The following CPVL variants were observed in gnomAD, a reference collection of about 807,000 sequenced individuals.
The protein encoded by CPVL is carboxypeptidase vitellogenic like, also known as probable serine carboxypeptidase CPVL.
CPVL carries 51 observed loss-of-function variants against 63.7 expected under a neutral mutation model. The ratio of observed to expected loss-of-function variants is 0.80; its 90% confidence interval spans 0.64 to 1.01. CPVL has a LOEUF of 1.01. CPVL is among the 50% of genes least tolerant of loss of function. CPVL has a pLI of 0.00. For synonymous variants in CPVL, 195 were observed against 206.0 expected (o/e 0.95, Z 0.46); for missense variants, 530 against 573.1 (o/e 0.92, Z 0.77).
At chr7:29,176,369 A>G (rs1306733669) in intron 5 of CPVL, among the ~76,000 whole-genome samples, 1 of 152,152 alleles carries the variant, frequency 6.6e-6, no homozygotes, top group Non-Finnish European at 1.5e-5. Context: ...AAAAAGAAAA[A>G]AAAATGCCAA....
chr7:29,074,448 T>A (rs1458625820), intron 7 of CPVL, among the ~76,000 whole-genome samples: 1 of 152,168 alleles, frequency 6.6e-6, no homozygotes, highest in Non-Finnish European at 1.5e-5. Context: ...AAAGCACATT[T>A]CCCTGAGTAA....
At chr7:29,012,077 C>T (rs1785905467) in intron 12 of CPVL, 1 of 152,200 alleles carries the variant, frequency 6.6e-6, no homozygotes, top group Non-Finnish European at 1.5e-5. Flanking sequence ...AACCACAGAC[C>T]CTTACTCCAG....
intron 12 of CPVL, chr7:29,011,877 T>C (rs673681): frequency 0.36 from 54,741 of 152,090 alleles, 9,952 homozygotes; most frequent in Middle Eastern, 0.43. Context: ...GAGAATGTCT[T>C]TGCTTTCTAT....
chr7:29,096,348 C>A, intron 3 of CPVL, 131 bp from the exon 4 acceptor site: 2 of 684,342 alleles, frequency 2.9e-6, no homozygotes, highest in South Asian at 1.7e-5. Flanking sequence ...CCTCCCCAGA[C>A]CTCAGTAACC....
At chr7:29,146,954 A>G (rs1460629880), upstream of CPVL, 3 of 1,551,080 alleles carry the variant, frequency 1.9e-6, no homozygotes, top group Non-Finnish European at 1.7e-6. Context: ...TTCCAGCTGC[A>G]CTAGCAGTAA....
chr7:29,096,258 A>C, intron 3 of CPVL, 41 bp from the exon 4 acceptor site: 1 of 1,461,580 alleles, frequency 6.8e-7, no homozygotes, highest in Non-Finnish European at 9.6e-7. Context: ...CAGAACACTC[A>C]CTTAAGGCTA....
At chr7:29,049,537 A>G (rs185851269) in intron 11 of CPVL, among the ~76,000 whole-genome samples, 120 of 152,122 alleles carry the variant, frequency 7.9e-4, no homozygotes, top group Admixed American at 1.8e-3. Flanking sequence ...ATTACCAACG[A>G]AAAAAAAGTC....
At chr7:29,076,017 T>G (rs1378044290) in intron 7 of CPVL, among the ~76,000 whole-genome samples, 1 of 149,816 alleles carries the variant, frequency 6.7e-6, no homozygotes, top group African/African-American at 2.4e-5. Flanking sequence ...ATTTCTCAAT[T>G]TAATGATTCT....
intron 1 of CPVL, among the ~76,000 whole-genome samples, chr7:29,142,408 G>A (rs534788135): frequency 2.0e-5 from 3 of 152,102 alleles, no homozygotes; most frequent in Non-Finnish European, 2.9e-5. Flanking sequence ...TTTCAGGACA[G>A]TATCACCACT....
At chr7:29,097,211 C>T (rs960797492) in intron 3 of CPVL, among the ~76,000 whole-genome samples, 22 of 149,978 alleles carry the variant, frequency 1.5e-4, no homozygotes, top group African/African-American at 5.6e-4. Flanking sequence ...AGCTACTGGC[C>T]GTAGTGTCAA....
upstream of CPVL, among the ~76,000 whole-genome samples, chr7:29,147,986 C>T (rs533334677): frequency 4.6e-5 from 7 of 152,190 alleles, no homozygotes; most frequent in Non-Finnish European, 7.3e-5. Context: ...CTCCTCTCTT[C>T]CCACAGGGCT....
intron 12 of CPVL, among the ~76,000 whole-genome samples, chr7:29,020,343 A>G (rs1415504130): frequency 6.6e-6 from 1 of 152,184 alleles, no homozygotes; most frequent in Non-Finnish European, 1.5e-5. Flanking sequence ...TCAACATTCA[A>G]ATATGCCCTT....
chr7:29,146,426 T>A lies in CPVL; in HGVS notation c.-11+3A>T. On this transcript the variant is annotated splice_donor_region_variant and intron_variant, in intron 1 of 12. Transcript: ENST00000265394. ...CGACCCACGCAGGGCAGGCGGCACT[T>A]ACGCGGCGCAGTCGGTGCTCCTCCC... 2 of 1,149,834 alleles carry A rather than the reference T, an allele frequency of 1.7e-6. No homozygotes were observed. The highest frequency in any genetic ancestry group is 1.2e-6 in the Non-Finnish European group (1 of 842,312). The allele number at this position is 1,149,834 out of a possible 1,614,324, so 71.2% of individuals were successfully genotyped here. A position where few individuals can be genotyped will look rare whatever the true frequency, so the allele number is the denominator to read the frequency against.
In CPVL at chr7:29,072,299, A is replaced by C. The variant is rs1473709362; in HGVS notation, c.732+2T>G. ...AATAGAAAGTCAGAAGGAGAAACCT[A>C]CTGATTCGGGATCAGAATATCCATC... On this transcript the variant is annotated splice_donor_variant, in intron 8 of 12. Transcript: ENST00000265394. LOFTEE classifies it high-confidence loss of function. 6.2e-7 allele frequency: 1 copy of C among 1,613,966 alleles called. No homozygotes were observed. The highest frequency in any genetic ancestry group is 8.5e-7 in the Non-Finnish European group (1 of 1,179,936).
intron 11 of CPVL, among the ~76,000 whole-genome samples, chr7:29,056,729 A>T (rs897862957): frequency 2.0e-5 from 3 of 152,164 alleles, no homozygotes; most frequent in Non-Finnish European, 2.9e-5. Context: ...TGGTAAGAGT[A>T]TATTAAATTT....
intron 5 of CPVL, among the ~76,000 whole-genome samples, chr7:29,177,529 C>T (rs187853170): frequency 3.3e-5 from 5 of 151,714 alleles, no homozygotes; most frequent in Admixed American, 3.3e-4. Flanking sequence ...GCTGGGATTA[C>T]AGGCATGACC....
Position 29,182,644 on chromosome 7 carries a change from T to A in CPVL, c.-133-1232A>T, listed in dbSNP as rs184986780. ...TTGTCTACACAATTACGTACACTCA[T>A]GTCTAAAAATACAAATTGAGTAAAC... On this transcript the variant is annotated intron_variant, in intron 4 of 16. Coordinates refer to the CPVL transcript ENST00000409850. 3.4e-3 allele frequency among the ~76,000 whole-genome samples: 518 copies of A among 152,350 alleles called. 3 individuals carry two copies. The highest frequency in any genetic ancestry group is 0.014 in the South Asian group (70 of 4,828).
chr7:29,101,174 C>T (rs972701471), intron 3 of CPVL, among the ~76,000 whole-genome samples: 4 of 152,092 alleles, frequency 2.6e-5, no homozygotes, highest in Middle Eastern at 3.4e-3. Flanking sequence ...TACTTAAGAC[C>T]GAATGAAGAA....
chr7:29,075,956 G>GTTTTTTTTTTTTTTTTTTT (rs1554335832), intron 7 of CPVL, among the ~76,000 whole-genome samples: 1 of 110,336 alleles, frequency 9.1e-6, no homozygotes, highest in Non-Finnish European at 1.7e-5. Flanking sequence ...TGTTGAGATA[G>GTTTTTTTTTTTTTTTTTTT]TTTTTTTTTT....
Sources: allele counts gnomAD v4.1 joint callset (sites outside exome capture counted in the v4.1 genomes callset), GRCh38; gene constraint gnomAD v4.1.1; transcripts MANE v1.5; gene names NCBI Gene and HGNC (gene_info 2026-07-23, HGNC 2026-07-21).